CCDC91: variants seen among roughly 807,000 people sequenced by gnomAD.
CCDC91 encodes the protein coiled-coil domain containing 91.
CCDC91 carries 48 observed loss-of-function variants against 63.2 expected under a neutral mutation model. The observed-to-expected ratio is 0.76, with a 90% CI of 0.60 to 0.97. The LOEUF is 0.97. Among genes scored for constraint, CCDC91 ranks in the 50% least tolerant of loss-of-function variants. The pLI, the probability that CCDC91 is intolerant of heterozygous loss-of-function variation, is 0.00. For synonymous variants in CCDC91, 167 were observed against 165.8 expected (o/e 1.01, Z -0.06); for missense variants, 500 against 494.6 (o/e 1.01, Z -0.10).
At chr12:28,489,273 A>C (rs1394921059) in intron 12 of CCDC91, among the ~76,000 whole-genome samples, 3 of 151,940 alleles carry the variant, frequency 2.0e-5, no homozygotes, top group African/African-American at 4.8e-5. Context: ...GCCAGATAAG[A>C]TATTATAATA....
At chr12:28,299,257 A>G in intron 3 of CCDC91, among the ~76,000 whole-genome samples, 1 of 151,546 alleles carries the variant, frequency 6.6e-6, no homozygotes. Flanking sequence ...TATATCCTTC[A>G]TTCATTTTCT....
intron 1 of CCDC91, among the ~76,000 whole-genome samples, chr12:28,196,872 T>C (rs1199982025): frequency 6.6e-6 from 1 of 152,178 alleles, no homozygotes; most frequent in African/African-American, 2.4e-5. Flanking sequence ...TTTGCCCTTT[T>C]CACTCAGAAT....
chr12:28,451,254 A>G (rs988644490), intron 10 of CCDC91, among the ~76,000 whole-genome samples: 2 of 151,750 alleles, frequency 1.3e-5, no homozygotes, highest in Non-Finnish European at 3.0e-5. Flanking sequence ...GAAAGAATTC[A>G]TAGAATGCAT....
intron 8 of CCDC91, among the ~76,000 whole-genome samples, chr12:28,441,092 AAAAG>A (rs1341692944): frequency 4.7e-5 from 7 of 150,390 alleles, no homozygotes; most frequent in Non-Finnish European, 3.0e-5. Context: ...AAAGAAAAGA[AAAAG>A]AAAGAACTTA....
At chr12:28,512,980 A>C (rs1291234443) in intron 12 of CCDC91, among the ~76,000 whole-genome samples, 1 of 151,868 alleles carries the variant, frequency 6.6e-6, no homozygotes, top group Non-Finnish European at 1.5e-5. Flanking sequence ...CTGTAAAATT[A>C]AAAGATATTC....
At chr12:28,427,849 A>G (rs1374814698) in intron 8 of CCDC91, among the ~76,000 whole-genome samples, 2 of 152,228 alleles carry the variant, frequency 1.3e-5, no homozygotes, top group African/African-American at 4.8e-5. Context: ...ATCTAAATAT[A>G]TGTTTTCATT....
chr12:28,363,403 C>G (rs1944030942), intron 7 of CCDC91, among the ~76,000 whole-genome samples: 2 of 151,822 alleles, frequency 1.3e-5, no homozygotes, highest in Non-Finnish European at 2.9e-5. Flanking sequence ...ATAAATATAC[C>G]ATAATTTGTT....
intron 8 of CCDC91, among the ~76,000 whole-genome samples, chr12:28,400,486 T>C (rs1456356758): frequency 6.6e-6 from 1 of 152,118 alleles, no homozygotes; most frequent in Non-Finnish European, 1.5e-5. Flanking sequence ...CAAGTAACAT[T>C]TGGCTCCTTG....
chr12:28,517,229 AGTTT>A (rs2141363663), intron 12 of CCDC91, among the ~76,000 whole-genome samples: 1 of 152,066 alleles, frequency 6.6e-6, no homozygotes, highest in East Asian at 1.9e-4. Flanking sequence ...CCAAATGTTT[AGTTT>A]GGCATCTGTT....
chr12:28,278,855 C>A (rs1469511140), intron 3 of CCDC91, among the ~76,000 whole-genome samples: 3 of 151,988 alleles, frequency 2.0e-5, no homozygotes, highest in South Asian at 4.2e-4. Flanking sequence ...GTACCTGTTT[C>A]TTTATTTGTA....
intron 1 of CCDC91, among the ~76,000 whole-genome samples, chr12:28,232,536 A>G (rs1164815376): frequency 2.0e-5 from 3 of 152,112 alleles, no homozygotes; most frequent in Admixed American, 1.3e-4. Context: ...CTAATATAGG[A>G]TAAGTATAAT....
intron 3 of CCDC91, among the ~76,000 whole-genome samples, chr12:28,277,129 T>C (rs888286528): frequency 6.6e-6 from 1 of 151,950 alleles, no homozygotes; most frequent in African/African-American, 2.4e-5. Context: ...GATGTTAAAA[T>C]TAACAAATGT....
intron 3 of CCDC91, among the ~76,000 whole-genome samples, chr12:28,276,195 TTGTA>T (rs932877075): frequency 3.3e-5 from 5 of 152,054 alleles, no homozygotes; most frequent in Non-Finnish European, 7.4e-5. Context: ...TAATAGAATA[TTGTA>T]TGTATGTATG....
At chr12:28,213,498 A>G (rs1304165122) in intron 1 of CCDC91, among the ~76,000 whole-genome samples, 3 of 152,254 alleles carry the variant, frequency 2.0e-5, no homozygotes, top group Non-Finnish European at 4.4e-5. Context: ...ATATGGGCTC[A>G]CTAAGCAGAG....
chr12:28,260,899 T>G (rs1053223294), intron 3 of CCDC91, among the ~76,000 whole-genome samples: 2 of 152,030 alleles, frequency 1.3e-5, no homozygotes, highest in Non-Finnish European at 2.9e-5. Context: ...ATGCATTTGT[T>G]TATTGTAAAG....
chr12:28,359,653 A>G (rs896559507), intron 6 of CCDC91, among the ~76,000 whole-genome samples: 9 of 152,086 alleles, frequency 5.9e-5, no homozygotes, highest in Admixed American at 5.2e-4. Context: ...TAGCTTTTCT[A>G]TTTTGTAAAG....
At chr12:28,281,683 T>G (rs951750741) in intron 3 of CCDC91, among the ~76,000 whole-genome samples, 6 of 152,160 alleles carry the variant, frequency 3.9e-5, no homozygotes, top group African/African-American at 1.4e-4. Flanking sequence ...ATAATTATTA[T>G]TTTTCCTTAG....
chr12:28,433,906 T>A (rs1948760333), intron 8 of CCDC91, among the ~76,000 whole-genome samples: 1 of 151,926 alleles, frequency 6.6e-6, no homozygotes, highest in African/African-American at 2.4e-5. Flanking sequence ...ATATAGATCT[T>A]ATGCATATTT....
intron 7 of CCDC91, among the ~76,000 whole-genome samples, chr12:28,368,722 A>C (rs528150088): frequency 6.6e-6 from 1 of 152,294 alleles, no homozygotes; most frequent in South Asian, 2.1e-4. Flanking sequence ...CTAATTTATA[A>C]AGAAAAGAGG....
Sources: gnomAD v4.1 joint callset for allele counts (sites outside exome capture counted in the v4.1 genomes callset) on GRCh38, gnomAD v4.1.1 for gene constraint, MANE v1.5 for transcripts, NCBI Gene and HGNC (gene_info 2026-07-23, HGNC 2026-07-21) for gene names.